NFIC: variants seen among roughly 807,000 people sequenced by gnomAD.
The protein encoded by NFIC is nuclear factor I C.
NFIC carries 12 observed loss-of-function variants against 54.4 expected under a neutral mutation model. The observed-to-expected ratio is 0.22, with a 90% CI of 0.14 to 0.36. NFIC has a LOEUF of 0.36. Ranked by LOEUF, NFIC falls within the 10% of genes least tolerant of loss-of-function variation. NFIC has a pLI of 1.00. For missense variants in NFIC, 575 were observed against 718.2 expected (o/e 0.80, Z 2.28); for synonymous variants, 322 against 319.2 (o/e 1.01, Z -0.09).
At chr19:3,426,925 CT>C (rs547112160) in intron 3 of NFIC, among the ~76,000 whole-genome samples, 263 of 137,604 alleles carry the variant, frequency 1.9e-3, no homozygotes, top group Admixed American at 4.0e-3. Flanking sequence ...TACCCTCAAT[CT>C]TTTTTTTTTT....
intron 6 of NFIC, among the ~76,000 whole-genome samples, chr19:3,439,796 C>G (rs1236422701): frequency 1.3e-5 from 2 of 148,272 alleles, no homozygotes; most frequent in Non-Finnish European, 3.0e-5. Flanking sequence ...TCATGCCATT[C>G]TCCTGCCTCA....
At chr19:3,449,289 G>C (rs535671819) in intron 7 of NFIC, 150 bp downstream of exon 7, 1 of 1,274,254 alleles carries the variant, frequency 7.8e-7, no homozygotes, top group Non-Finnish European at 1.0e-6. Flanking sequence ...CCGTAGTGGA[G>C]AGCGCCCAGG....
intron 2 of NFIC, among the ~76,000 whole-genome samples, chr19:3,402,914 C>T (rs560250233): frequency 6.6e-6 from 1 of 152,246 alleles, no homozygotes; most frequent in East Asian, 1.9e-4. Context: ...AGAAAGCGGA[C>T]AGGACAGGTT....
At chr19:3,420,552 C>CAAAAAAAT (rs2081936940) in intron 2 of NFIC, among the ~76,000 whole-genome samples, 2 of 38,146 alleles carry the variant, frequency 5.2e-5, no homozygotes, top group Admixed American at 5.8e-4. Context: ...GATTCCATCT[C>CAAAAAAAT]AAAAAAATAA....
At chr19:3,434,526 A>G (rs750608818) in intron 5 of NFIC, 126 bp downstream of exon 5, 21 of 1,348,330 alleles carry the variant, frequency 1.6e-5, no homozygotes, top group Non-Finnish European at 2.1e-5. Flanking sequence ...GGCCTGAGAA[A>G]CTCCTACTCA....
At chr19:3,382,265 G>A (rs752066921) in intron 2 of NFIC, 22 bp downstream of exon 2, 87 of 1,590,054 alleles carry the variant, frequency 5.5e-5, no homozygotes, top group Non-Finnish European at 6.5e-5. Context: ...TGGCCTGAGC[G>A]GAGCGGCCAG....
intron 1 of NFIC, among the ~76,000 whole-genome samples, chr19:3,367,160 C>T (rs902267844): frequency 6.6e-6 from 1 of 152,174 alleles, no homozygotes. Context: ...CCGTGTCCCC[C>T]CACCAAGGTT....
In NFIC at chr19:3,458,157, G is replaced by C. The variant is rs984340331; in HGVS notation, c.1509+1522G>C. Among the ~76,000 whole-genome samples, 6 of 152,202 alleles carry C rather than the reference G, an allele frequency of 3.9e-5. No homozygotes were observed. The highest frequency in any genetic ancestry group is 1.4e-4 in the African/African-American group (6 of 41,454). ...TTAAGTACCCTGCCTTGCACCCATA[G>C]AGCCCCGGAGAGGGAGTAACTTGGT... On this transcript the variant is annotated intron_variant, in intron 10 of 10. Transcript: ENST00000443272. This position sits in a 1 kb window ranked among gnomAD's most constrained non-coding sequence, Gnocchi z 4.1.
Position 3,463,614 on chromosome 19 carries a change from G to GGCCCCCCCCCC in NFIC, c.*845_*846insGCCCCCCCCCC. 3 of 959,102 alleles carry GGCCCCCCCCCC rather than the reference G, an allele frequency of 3.1e-6. No homozygotes were observed. Among genetic ancestry groups the GGCCCCCCCCCC allele is most frequent in the Non-Finnish European group, 3.7e-6 (3 of 807,842 alleles). 59.4% of individuals were successfully genotyped at this position (959,102 alleles called of 1,614,324 possible). A position where few individuals can be genotyped will look rare whatever the true frequency, so the allele number is the denominator to read the frequency against. ...GGGAGGAGAAGTCTCTATGCAATTG[G>GGCCCCCCCCCC]CCCCGGCCCCTCCACCCCCCACCCC... On this transcript the variant is annotated 3_prime_UTR_variant, in exon 11 of 11. Transcript: ENST00000443272.
intron 5 of NFIC, 100 bp from the exon 6 acceptor site, chr19:3,434,982 GC>G: frequency 8.6e-6 from 12 of 1,393,596 alleles, no homozygotes; most frequent in Non-Finnish European, 1.1e-5. Context: ...TACCTCCCTC[GC>G]CCCCGCTCAC....
At chr19:3,440,083 G>A (rs900705682) in intron 6 of NFIC, among the ~76,000 whole-genome samples, 1 of 152,282 alleles carries the variant, frequency 6.6e-6, no homozygotes, top group South Asian at 2.1e-4. Flanking sequence ...ATTAATTCGC[G>A]GCTAAGCTAC....
At position 3,465,848 on chromosome 19, in the gene NFIC, G is replaced by A. The variant is rs1212556548; in HGVS notation, c.*3079G>A. 6.6e-6 allele frequency: 1 copy of A among 152,232 alleles called. No individual in the cohort carries two copies. The highest frequency in any genetic ancestry group is 1.5e-5 in the Non-Finnish European group (1 of 68,104). The allele number at this position is 152,232 out of a possible 1,614,324, so 9.4% of individuals were successfully genotyped here. Reference sequence around the variant, plus strand: ...GCATACCCCTGGCTCAGGGTCAAATGCTGTTCCACACCCACCTCAGAGGCA... The same window carrying A: ...GCATACCCCTGGCTCAGGGTCAAATACTGTTCCACACCCACCTCAGAGGCA... On this transcript the variant is annotated 3_prime_UTR_variant, in exon 11 of 11. Coordinates refer to ENST00000443272, the MANE Select transcript of NFIC (RefSeq NM_001245002.2).
chr19:3,375,572 G>A lies in NFIC; in HGVS notation c.31-6140G>A, dbSNP rs1322285926. On this transcript the variant is annotated intron_variant, in intron 1 of 10. Transcript: ENST00000443272. This position sits in a 1 kb window ranked among gnomAD's most constrained non-coding sequence, Gnocchi z 4.6. ...TAGCAGGTTGGCTGGGGAAGCGGGG[G>A]CAGCGGAAAAGGGCCCTGAGGTCCG... Among the ~76,000 whole-genome samples, 1 of 152,242 alleles carries A rather than the reference G, an allele frequency of 6.6e-6. No homozygotes were observed. Among genetic ancestry groups the A allele is most frequent in the Non-Finnish European group, 1.5e-5 (1 of 68,038 alleles).
chr19:3,361,642 C>T (rs1006236637), upstream of NFIC, among the ~76,000 whole-genome samples: 3 of 152,148 alleles, frequency 2.0e-5, no homozygotes. Flanking sequence ...CCCACAATGA[C>T]ACAGAGGCCT....
In NFIC at chr19:3,459,756, C is replaced by T. The variant is rs2082613440; in HGVS notation, c.1510-2996C>T. Among the ~76,000 whole-genome samples, 1 of 152,246 alleles carries T rather than the reference C, an allele frequency of 6.6e-6. No individual in the cohort carries two copies. The highest frequency in any genetic ancestry group is 2.4e-5 in the African/African-American group (1 of 41,464). On this transcript the variant is annotated intron_variant, in intron 10 of 10. Transcript: ENST00000443272. This position sits in a 1 kb window ranked among gnomAD's most constrained non-coding sequence, Gnocchi z 4.2. ...GAGTCTGTCGGTTGCCAACAGAAAC[C>T]AGACATGAGGTAATGGCCAAGATGA... is the stretch of plus-strand genomic sequence containing the variant.
intron 6 of NFIC, among the ~76,000 whole-genome samples, chr19:3,437,035 C>T (rs911940968): frequency 2.6e-5 from 4 of 152,040 alleles, no homozygotes; most frequent in East Asian, 1.9e-4. Flanking sequence ...GCGACATACC[C>T]GGGAAACGGG....
intron 2 of NFIC, among the ~76,000 whole-genome samples, chr19:3,383,242 G>A (rs968799437): frequency 6.6e-5 from 10 of 152,192 alleles, no homozygotes; most frequent in Admixed American, 1.3e-4. Flanking sequence ...CCCTGCCAGA[G>A]GGGTGTTTGC....
chr19:3,434,338 A>G lies in NFIC; in HGVS notation c.771A>G (p.Ala257=), dbSNP rs373306178. The G allele has an allele frequency of 1.9e-6, 3 of 1,613,528 alleles. No individual in the cohort carries two copies. The highest frequency in any genetic ancestry group is 3.3e-5 in the Admixed American group (2 of 59,980). ...TGGGGGAGCTGCAGGGGCACCTGGC[A>G]TACGACCTGAACCCAGCCAGCACTG... is the stretch of plus-strand genomic sequence containing the variant. ...FSLGELQGHL[A]YDLNPASTGL... is the part of the protein sequence containing the mutation. The change falls in exon 5 of 11, where the codon GCA becomes GCG. Residue 257 remains alanine (A), a synonymous_variant. Transcript: ENST00000443272.
At chr19:3,432,134 G>A (rs2082129826) in intron 3 of NFIC, among the ~76,000 whole-genome samples, 1 of 152,158 alleles carries the variant, frequency 6.6e-6, no homozygotes, top group East Asian at 1.9e-4. Flanking sequence ...GCAGGACAGG[G>A]CTGTCCCCAA....
Sources: allele counts gnomAD v4.1 joint callset (sites outside exome capture counted in the v4.1 genomes callset), GRCh38; gene constraint gnomAD v4.1.1; non-coding constraint Gnocchi (gnomAD v3.1); transcripts MANE v1.5; gene names NCBI Gene and HGNC (gene_info 2026-07-23, HGNC 2026-07-21).